The following DMD variants were observed in gnomAD, a reference collection of about 807,000 sequenced individuals.
The protein encoded by DMD is mutant dystrophin.
In DMD, 63 loss-of-function variants were observed where a neutral mutation model predicts 330.1. The observed-to-expected ratio is 0.19, with a 90% CI of 0.16 to 0.24. The LOEUF (loss-of-function observed/expected upper bound fraction) is 0.24, where lower values mean the gene tolerates loss of function less well. DMD is among the 10% of genes least tolerant of loss of function. The pLI, the probability that DMD is intolerant of heterozygous loss-of-function variation, is 1.00. For missense variants in DMD, 3,344 were observed against 2,684.1 expected, an observed-to-expected ratio of 1.25 and a Z score of -5.43; for synonymous variants, 1,223 against 959.8, an observed-to-expected ratio of 1.27 and a Z score of -5.07.
intron 44 of DMD, among the ~76,000 whole-genome samples, chrX:32,150,053 C>T (rs2096796625): frequency 8.9e-6 from 1 of 112,027 alleles, no homozygotes; most frequent in Admixed American, 9.5e-5. Context: ...TTTACACAGA[C>T]CAAATAGGCT....
At chrX:31,178,318 T>C in intron 70 of DMD, 16 of 982,413 alleles carry the variant, frequency 1.6e-5, no homozygotes, top group Non-Finnish European at 2.0e-5. Flanking sequence ...AGACACACAT[T>C]TACTGATTTG....
At chrX:32,693,102 G>A (rs1478713277) in intron 9 of DMD, among the ~76,000 whole-genome samples, 3 of 111,495 alleles carry the variant, frequency 2.7e-5, no homozygotes, top group African/African-American at 9.8e-5. Context: ...GATGTCATAT[G>A]AGAAAGACTC....
chrX:31,238,426 GCT>G (rs1319918001), intron 63 of DMD, among the ~76,000 whole-genome samples: 3 of 111,800 alleles, frequency 2.7e-5, no homozygotes, highest in African/African-American at 9.8e-5. Context: ...TCTTACTTCA[GCT>G]CTTTTTGTAT....
chrX:32,760,716 C>T (rs1427012687), intron 7 of DMD, among the ~76,000 whole-genome samples: 1 of 111,924 alleles, frequency 8.9e-6, no homozygotes, highest in African/African-American at 3.2e-5. Flanking sequence ...CTGAATACTT[C>T]ATATATTGAT....
intron 76 of DMD, among the ~76,000 whole-genome samples, chrX:31,141,543 C>A (rs927166435): frequency 1.8e-5 from 2 of 111,513 alleles, no homozygotes; most frequent in Non-Finnish European, 3.8e-5. Context: ...TAAATTTGGG[C>A]AGAAGTAGCT....
rs1180359523 is a variant in DMD at position 32,307,995 on chromosome X, ATTAC to A, written c.6117+2083_6117+2086del. ...TTGGCTCTGAAGTAAGAAAGAAAAT[ATTAC>A]TTATGTGTATGTTTCTCATTCTTCT... On this transcript the variant is annotated intron_variant, in intron 42 of 78. Transcript: ENST00000357033. Among the ~76,000 whole-genome samples the A allele has an allele frequency of 1.0e-4, 11 of 110,171 alleles. No individual in the cohort carries two copies. In the South Asian group the frequency reaches 1.9e-3, roughly 19 times the overall value.
chrX:33,186,639 T>G (rs753958221), intron 1 of DMD, among the ~76,000 whole-genome samples: 1 of 111,534 alleles, frequency 9.0e-6, no homozygotes, highest in African/African-American at 3.2e-5. Context: ...ATATAATTAA[T>G]ATTTTCACAA....
rs1173030041 is a variant in DMD at position 31,657,502 on chromosome X, A to G, written c.8027+488T>C. ...CTATAAGCGCTGTTAATTTCCATTCATATATAATGGGAAATGAAGTGACGA... is the reference window on the plus strand; with the variant it reads ...CTATAAGCGCTGTTAATTTCCATTCGTATATAATGGGAAATGAAGTGACGA... On this transcript the variant is annotated intron_variant, in intron 54 of 78. Coordinates refer to ENST00000357033, the MANE Select transcript of DMD (RefSeq NM_004006.3). Among the ~76,000 whole-genome samples the G allele has an allele frequency of 5.4e-5, 6 of 111,806 alleles. No homozygotes were observed. In the East Asian group the frequency reaches 1.7e-3, roughly 32 times the overall value.
chrX:31,666,143 C>T (rs778394067), intron 53 of DMD, among the ~76,000 whole-genome samples: 1 of 111,493 alleles, frequency 9.0e-6, no homozygotes, highest in Admixed American at 9.5e-5. Context: ...CAGAAAATGG[C>T]GTTTTTTCAG....
chrX:31,304,239 A>G (rs2054860613), intron 62 of DMD, among the ~76,000 whole-genome samples: 1 of 111,929 alleles, frequency 8.9e-6, no homozygotes, highest in Non-Finnish European at 1.9e-5. Flanking sequence ...TGTGACAATG[A>G]TCAGAGACAC....
intron 29 of DMD, among the ~76,000 whole-genome samples, chrX:32,424,886 T>C (rs936051044): frequency 2.7e-5 from 3 of 111,061 alleles, no homozygotes; most frequent in Non-Finnish European, 3.8e-5. Flanking sequence ...TGGAAGAAGA[T>C]ACTTCAGACT....
chrX:32,945,396 G>T (rs1307273927), intron 2 of DMD, among the ~76,000 whole-genome samples: 1 of 110,617 alleles, frequency 9.0e-6, no homozygotes, highest in Non-Finnish European at 1.9e-5. Context: ...TTTCCCATTA[G>T]TTATAATAGT....
At chrX:32,456,628 G>T (rs1396075743) in intron 25 of DMD, among the ~76,000 whole-genome samples, 4 of 106,620 alleles carry the variant, frequency 3.8e-5, no homozygotes, top group Non-Finnish European at 7.8e-5. Context: ...ATGTGTGTGT[G>T]TGTGTGCACG....
intron 17 of DMD, among the ~76,000 whole-genome samples, chrX:32,526,458 C>T (rs1293500181): frequency 9.1e-6 from 1 of 109,705 alleles, no homozygotes; most frequent in Non-Finnish European, 1.9e-5. Context: ...TATTACTACA[C>T]CAAGACAATT....
At chrX:32,401,462 A>T (rs1466434986) in intron 30 of DMD, among the ~76,000 whole-genome samples, 1 of 111,988 alleles carries the variant, frequency 8.9e-6, no homozygotes, top group Non-Finnish European at 1.9e-5. Flanking sequence ...TAAGCCAGTC[A>T]CAGAAAGACA....
At chrX:32,677,995 C>T (rs2062089601) in intron 9 of DMD, among the ~76,000 whole-genome samples, 1 of 111,829 alleles carries the variant, frequency 8.9e-6, no homozygotes, top group Non-Finnish European at 1.9e-5. Flanking sequence ...ATGAAAAAAG[C>T]TAGACACAGA....
chrX:31,672,452 T>C (rs1232137367), intron 53 of DMD, among the ~76,000 whole-genome samples: 1 of 112,341 alleles, frequency 8.9e-6, no homozygotes, highest in Admixed American at 9.4e-5. Context: ...CAAGTGTCTA[T>C]TTCCTTGTTA....
At chrX:32,691,116 G>T (rs1477519493) in intron 9 of DMD, among the ~76,000 whole-genome samples, 1 of 110,599 alleles carries the variant, frequency 9.0e-6, no homozygotes, top group Non-Finnish European at 1.9e-5. Flanking sequence ...TATTAGGAGG[G>T]TTAAATAAAA....
intron 62 of DMD, among the ~76,000 whole-genome samples, chrX:31,283,244 C>T: frequency 9.0e-6 from 1 of 110,984 alleles, no homozygotes; most frequent in Non-Finnish European, 1.9e-5. Context: ...CTCCCCTACC[C>T]CAGAATCCTG....
Sources: allele counts gnomAD v4.1 joint callset (sites outside exome capture counted in the v4.1 genomes callset), GRCh38; gene constraint gnomAD v4.1.1; transcripts MANE v1.5; gene names NCBI Gene and HGNC (gene_info 2026-07-23, HGNC 2026-07-21).